Variants in CDH2 observed in about 807,000 individuals in gnomAD.
The protein encoded by CDH2 is cadherin 2.
CDH2 carries 17 observed loss-of-function variants against 92.0 expected under a neutral mutation model. The ratio of observed to expected loss-of-function variants is 0.18; its 90% CI spans 0.13 to 0.28. The LOEUF (loss-of-function observed/expected upper bound fraction) is 0.28, where lower values mean the gene tolerates loss of function less well. Among genes scored for constraint, CDH2 ranks in the 10% least tolerant of loss-of-function variants. The probability of loss-of-function intolerance (pLI) is 1.00; values close to 1 mark genes in which losing one functional copy is unlikely to be tolerated. For missense variants in CDH2, 862 were observed against 1,133.1 expected (o/e 0.76, Z 3.44); for synonymous variants, 419 against 415.9 (o/e 1.01, Z -0.09).
chr18:27,981,338 ATT>A (rs1186369819), intron 14 of CDH2, among the ~76,000 whole-genome samples: 1 of 152,244 alleles, frequency 6.6e-6, no homozygotes, highest in Non-Finnish European at 1.5e-5. Flanking sequence ...TAATTAAAGA[ATT>A]AAGCCAAACA....
At chr18:27,947,918 T>A (rs1909316771), downstream of CDH2, among the ~76,000 whole-genome samples, 1 of 151,494 alleles carries the variant, frequency 6.6e-6, no homozygotes, top group Non-Finnish European at 1.5e-5. Flanking sequence ...AAAACAGATA[T>A]AAGTGATATA....
intron 2 of CDH2, among the ~76,000 whole-genome samples, chr18:28,104,242 C>T (rs539018144): frequency 1.3e-5 from 2 of 152,042 alleles, no homozygotes; most frequent in African/African-American, 4.8e-5. Context: ...AAAGTATTTA[C>T]CATATATTCA....
At chr18:27,948,266 T>C (rs192926973), downstream of CDH2, among the ~76,000 whole-genome samples, 4 of 136,468 alleles carry the variant, frequency 2.9e-5, no homozygotes, top group East Asian at 4.0e-4. Flanking sequence ...AGTGTGTATA[T>C]GGCAAAGAAT....
chr18:28,004,340 T>C (rs2012852916), intron 6 of CDH2, among the ~76,000 whole-genome samples: 1 of 152,202 alleles, frequency 6.6e-6, no homozygotes, highest in Admixed American at 6.5e-5. Flanking sequence ...AATAAAAAGG[T>C]ATCTTTCAGA....
At chr18:28,032,141 A>G (rs1315060133) in intron 2 of CDH2, among the ~76,000 whole-genome samples, 1 of 152,140 alleles carries the variant, frequency 6.6e-6, no homozygotes, top group Non-Finnish European at 1.5e-5. Flanking sequence ...AGCTCTGACT[A>G]TGTATCACAC....
chr18:27,954,261 T>C (rs919996299), intron 15 of CDH2, among the ~76,000 whole-genome samples: 2 of 152,180 alleles, frequency 1.3e-5, no homozygotes, highest in Non-Finnish European at 2.9e-5. Flanking sequence ...TTCTCAAAAC[T>C]TGTAACTCCC....
intron 2 of CDH2, among the ~76,000 whole-genome samples, chr18:28,087,388 A>C (rs2014953160): frequency 6.6e-6 from 1 of 152,174 alleles, no homozygotes; most frequent in Non-Finnish European, 1.5e-5. Context: ...AACCAGGTTA[A>C]AATACTTGAA....
At chr18:28,047,801 G>A (rs1049628833) in intron 2 of CDH2, among the ~76,000 whole-genome samples, 40 of 149,520 alleles carry the variant, frequency 2.7e-4, no homozygotes, top group Non-Finnish European at 4.1e-4. Flanking sequence ...CCCGGAAGGC[G>A]GAGCTTGCAG....
intron 2 of CDH2, among the ~76,000 whole-genome samples, chr18:28,142,418 A>T (rs966762312): frequency 6.6e-6 from 1 of 151,862 alleles, no homozygotes; most frequent in Non-Finnish European, 1.5e-5. Flanking sequence ...CCTAAAATAC[A>T]TCGAAAGGGA....
At chr18:27,999,943 T>C (rs1021376733) in intron 7 of CDH2, among the ~76,000 whole-genome samples, 3 of 151,984 alleles carry the variant, frequency 2.0e-5, no homozygotes, top group African/African-American at 7.3e-5. Flanking sequence ...CGTCTGGCAT[T>C]TCCCCTGCTT....
chr18:28,126,370 C>T (rs2015677645), intron 2 of CDH2, among the ~76,000 whole-genome samples: 1 of 152,052 alleles, frequency 6.6e-6, no homozygotes, highest in South Asian at 2.1e-4. Context: ...AGAAAGATGG[C>T]ATATGGCCTT....
At chr18:28,154,584 G>A (rs2016179286) in intron 1 of CDH2, among the ~76,000 whole-genome samples, 1 of 152,210 alleles carries the variant, frequency 6.6e-6, no homozygotes, top group Non-Finnish European at 1.5e-5. Context: ...CAGGGACATT[G>A]TTTTTGTTCT....
At chr18:28,136,921 C>T (rs1191206696) in intron 2 of CDH2, among the ~76,000 whole-genome samples, 3 of 152,062 alleles carry the variant, frequency 2.0e-5, no homozygotes, top group Admixed American at 2.0e-4. Flanking sequence ...TAACAAGCTT[C>T]CCCAGAATAA....
chr18:27,985,778 A>C lies in CDH2; in HGVS notation c.1742-17T>G. 1 of 1,407,070 alleles carries C rather than the reference A, an allele frequency of 7.1e-7. No individual in the cohort carries two copies. The highest frequency in any genetic ancestry group is 1.4e-5 in the African/African-American group (1 of 70,636). The allele number at this position is 1,407,070 out of a possible 1,614,324, so 87.2% of individuals were successfully genotyped here. A position where few individuals can be genotyped will look rare whatever the true frequency, so the allele number is the denominator to read the frequency against. ...GAGGAATTCCTGAAAAGAGAGAAAA[A>C]TCACAAATGATGCTGAACAGTTCTC... On this transcript the variant is annotated splice_polypyrimidine_tract_variant and intron_variant, in intron 11 of 15. Transcript: ENST00000269141.
intron 2 of CDH2, among the ~76,000 whole-genome samples, chr18:28,136,121 G>A (rs938033170): frequency 1.2e-4 from 19 of 152,162 alleles, no homozygotes; most frequent in African/African-American, 4.3e-4. Flanking sequence ...CTTCTGAAAT[G>A]AAAGACAAAG....
chr18:27,933,882 G>A (rs546843385), intron 6 of CDH2, among the ~76,000 whole-genome samples: 37 of 152,310 alleles, frequency 2.4e-4, no homozygotes, highest in African/African-American at 8.7e-4. Flanking sequence ...TTGTTGACTT[G>A]AAGGCCATGG....
chr18:28,148,042 C>T (rs1250326746), intron 1 of CDH2, among the ~76,000 whole-genome samples: 1 of 152,134 alleles, frequency 6.6e-6, no homozygotes, highest in African/African-American at 2.4e-5. Flanking sequence ...AAGGACTGAA[C>T]ATTTCCATTA....
intron 2 of CDH2, among the ~76,000 whole-genome samples, chr18:28,079,152 A>G (rs1380919970): frequency 6.6e-6 from 1 of 152,232 alleles, no homozygotes; most frequent in African/African-American, 2.4e-5. Flanking sequence ...ACCTATGCTT[A>G]TCATCATTTC....
chr18:27,985,486 C>A, intron 12 of CDH2, 42 bp downstream of exon 12: 1 of 1,311,226 alleles, frequency 7.6e-7, no homozygotes, highest in Non-Finnish European at 1.1e-6. Flanking sequence ...GCTTCAAAAT[C>A]TCTCAACTGC....
Sources: allele counts gnomAD v4.1 joint callset (sites outside exome capture counted in the v4.1 genomes callset), GRCh38; gene constraint gnomAD v4.1.1; transcripts MANE v1.5; gene names NCBI Gene and HGNC (gene_info 2026-07-23, HGNC 2026-07-21).